Variants in PDE7B observed in about 807,000 individuals in gnomAD.
PDE7B encodes 3',5'-cyclic-AMP phosphodiesterase 7B.
In PDE7B, 29 loss-of-function variants were observed where a neutral mutation model predicts 56.2. The observed-to-expected ratio is 0.52, with a 90% confidence interval of 0.38 to 0.70. The LOEUF is 0.70. Among genes scored for constraint, PDE7B ranks in the 30% least tolerant of loss-of-function variants. The pLI, the probability that PDE7B is intolerant of heterozygous loss-of-function variation, is 0.00. For missense variants in PDE7B, 490 were observed against 565.0 expected (o/e 0.87, Z 1.35); for synonymous variants, 197 against 196.9 (o/e 1.00, Z 0.00).
intron 2 of PDE7B, among the ~76,000 whole-genome samples, chr6:136,058,320 T>C (rs764663697): frequency 3.3e-5 from 5 of 152,162 alleles, no homozygotes; most frequent in Admixed American, 6.5e-5. Flanking sequence ...TAATCTTCAA[T>C]TGGAAATAAA....
intron 12 of PDE7B, among the ~76,000 whole-genome samples, chr6:136,190,020 G>T (rs1779197089): frequency 6.6e-6 from 1 of 152,006 alleles, no homozygotes; most frequent in South Asian, 2.1e-4. Context: ...TAAAATGTTG[G>T]ATATTTAACT....
chr6:136,180,024 CCTT>C lies in PDE7B; in HGVS notation c.948+887_948+889del, dbSNP rs201508212. Reference sequence around the variant, plus strand: ...TTGATCTTCCATTTTCTCTTGTCTTCCTTCTTTTCTTTTGGTGCAAAAAAACAT... The same window carrying C: ...TTGATCTTCCATTTTCTCTTGTCTTCCTTTTCTTTTGGTGCAAAAAAACAT... On this transcript the variant is annotated intron_variant, in intron 10 of 12. Transcript: ENST00000308191. Among the ~76,000 whole-genome samples the C allele has an allele frequency of 5.3e-5, 8 of 152,234 alleles. No individual in the cohort carries two copies. In the East Asian group the frequency reaches 1.2e-3, roughly 22 times the overall value.
chr6:135,854,416 T>A (rs1774989100), intron 1 of PDE7B, among the ~76,000 whole-genome samples: 1 of 152,150 alleles, frequency 6.6e-6, no homozygotes, highest in Non-Finnish European at 1.5e-5. Context: ...GATTGGAAAC[T>A]CTCTATCTAC....
At chr6:136,052,968 TC>T (rs1469735309) in intron 2 of PDE7B, among the ~76,000 whole-genome samples, 1 of 152,116 alleles carries the variant, frequency 6.6e-6, no homozygotes, top group Admixed American at 6.5e-5. Flanking sequence ...CTGGGTCCTA[TC>T]CCATTGGCTC....
chr6:136,164,332 C>T (rs1778759158), intron 8 of PDE7B, among the ~76,000 whole-genome samples: 2 of 152,156 alleles, frequency 1.3e-5, no homozygotes, highest in Non-Finnish European at 2.9e-5. Flanking sequence ...TGGGGGACCA[C>T]CACCATGATT....
chr6:135,859,884 A>G (rs1484692199), intron 1 of PDE7B, among the ~76,000 whole-genome samples: 1 of 152,066 alleles, frequency 6.6e-6, no homozygotes, highest in Non-Finnish European at 1.5e-5. Flanking sequence ...TTTAAAATTC[A>G]ATTTGCTTAT....
At chr6:136,156,824 G>A (rs1778616308) in intron 8 of PDE7B, among the ~76,000 whole-genome samples, 1 of 151,274 alleles carries the variant, frequency 6.6e-6, no homozygotes, top group South Asian at 2.1e-4. Context: ...CTTCAATTTT[G>A]TCAAAAAATT....
At chr6:135,909,941 A>G (rs1202948990) in intron 1 of PDE7B, among the ~76,000 whole-genome samples, 2 of 152,156 alleles carry the variant, frequency 1.3e-5, no homozygotes, top group Admixed American at 6.5e-5. Flanking sequence ...CTCCAGCACT[A>G]TGAGCCAGCT....
At chr6:136,015,649 C>G (rs144587623) in intron 2 of PDE7B, among the ~76,000 whole-genome samples, 1 of 152,122 alleles carries the variant, frequency 6.6e-6, no homozygotes, top group South Asian at 2.1e-4. Flanking sequence ...AACACTGAGT[C>G]GCTGGCATTC....
chr6:135,991,314 C>A (rs1401379921), intron 2 of PDE7B, among the ~76,000 whole-genome samples: 4 of 152,104 alleles, frequency 2.6e-5, no homozygotes, highest in Non-Finnish European at 4.4e-5. Flanking sequence ...GGTTCAAATG[C>A]CTCTGACAGT....
chr6:135,860,843 A>ATT lies in PDE7B; in HGVS notation c.21+8834_21+8835dup, dbSNP rs67709894. ...ACATTTAAGATAAATCTTGTTTTAA[A>ATT]TTTTTTTTTTTACTTTCTGAATTAA... is the stretch of plus-strand genomic sequence containing the variant. On this transcript the variant is annotated intron_variant, in intron 1 of 12. Coordinates refer to ENST00000308191, the MANE Select transcript of PDE7B (RefSeq NM_018945.4). Among the ~76,000 whole-genome samples the ATT allele has an allele frequency of 4.7e-5, 7 of 149,324 alleles. No individual in the cohort carries two copies. In the East Asian group the frequency reaches 5.8e-4, roughly 12 times the overall value.
intron 2 of PDE7B, among the ~76,000 whole-genome samples, chr6:136,082,067 G>A (rs1251474721): frequency 1.3e-5 from 2 of 152,186 alleles, no homozygotes; most frequent in African/African-American, 2.4e-5. Flanking sequence ...CCCACACTCT[G>A]AGAAGCATTT....
intron 2 of PDE7B, chr6:136,094,882 T>TAGTC (rs1397709254): frequency 6.6e-6 from 1 of 152,200 alleles, no homozygotes; most frequent in African/African-American, 2.4e-5. Context: ...GGTATAGACC[T>TAGTC]AGTCATGCAG....
intron 1 of PDE7B, among the ~76,000 whole-genome samples, chr6:135,893,076 T>A (rs1775836953): frequency 6.6e-6 from 1 of 152,208 alleles, no homozygotes; most frequent in Non-Finnish European, 1.5e-5. Flanking sequence ...AGCCTCTTTT[T>A]TTTAATTATA....
chr6:136,010,791 A>C (rs1775879003), intron 2 of PDE7B, among the ~76,000 whole-genome samples: 1 of 152,080 alleles, frequency 6.6e-6, no homozygotes, highest in South Asian at 2.1e-4. Flanking sequence ...ACCATATCAG[A>C]GGTCAAAATT....
chr6:135,974,662 G>GT (rs1467917329), intron 2 of PDE7B, among the ~76,000 whole-genome samples: 2 of 152,228 alleles, frequency 1.3e-5, no homozygotes, highest in African/African-American at 4.8e-5. Context: ...TATCTAGGCA[G>GT]TTACACCCCA....
At chr6:135,953,917 A>T (rs187516550) in intron 2 of PDE7B, among the ~76,000 whole-genome samples, 1 of 152,308 alleles carries the variant, frequency 6.6e-6, no homozygotes, top group Non-Finnish European at 1.5e-5. Context: ...TTTAACTTAC[A>T]CTTTCAAAGC....
chr6:135,969,906 G>A (rs1373049173), intron 2 of PDE7B, among the ~76,000 whole-genome samples: 1 of 152,154 alleles, frequency 6.6e-6, no homozygotes, highest in South Asian at 2.1e-4. Flanking sequence ...AATAACCCAG[G>A]TGGGGAAATG....
intron 1 of PDE7B, among the ~76,000 whole-genome samples, chr6:135,870,162 A>G (rs1254110661): frequency 2.0e-5 from 3 of 152,188 alleles, no homozygotes; most frequent in African/African-American, 7.2e-5. Flanking sequence ...GCCCGGAGTA[A>G]GCTGAAACAC....
Sources: allele counts gnomAD v4.1 joint callset (sites outside exome capture counted in the v4.1 genomes callset), GRCh38; gene constraint gnomAD v4.1.1; transcripts MANE v1.5; gene names NCBI Gene and HGNC (gene_info 2026-07-23, HGNC 2026-07-21).